Variants in PPP2R5A observed in about 807,000 individuals in gnomAD.
PPP2R5A encodes serine/threonine-protein phosphatase 2A 56 kDa regulatory subunit alpha isoform.
A neutral mutation model predicts 64.2 loss-of-function variants in PPP2R5A; 25 were observed. The ratio of observed to expected loss-of-function variants is 0.39; its 90% confidence interval spans 0.28 to 0.54. The LOEUF is 0.54. Among genes scored for constraint, PPP2R5A ranks in the 20% least tolerant of loss-of-function variants. The probability of loss-of-function intolerance (pLI) is 0.67; values close to 1 mark genes in which losing one functional copy is unlikely to be tolerated. For missense variants in PPP2R5A, 425 were observed against 576.3 expected, an observed-to-expected ratio of 0.74 and a Z score of 2.69; for synonymous variants, 198 against 201.2, an observed-to-expected ratio of 0.98 and a Z score of 0.13.
At chr1:212,333,648 C>A in intron 3 of PPP2R5A, 50 bp downstream of exon 3, 4 of 1,075,804 alleles carry the variant, frequency 3.7e-6, no homozygotes, top group Middle Eastern at 2.1e-4. Context: ...TGCTATTCTG[C>A]AGAAATCATG....
chr1:212,319,613 C>CTTTTTTTT (rs200765692), intron 1 of PPP2R5A: 2 of 110,724 alleles, frequency 1.8e-5, no homozygotes, highest in African/African-American at 7.4e-5. Flanking sequence ...TTTTTGTTTT[C>CTTTTTTTT]TTTTCTTTTT....
Position 212,286,136 on chromosome 1 carries a change from G to A in PPP2R5A, c.26G>A (p.Gly9Glu), listed in dbSNP as rs1467540062. Residue 9 changes from glycine (G) to glutamate (E), a missense_variant, in exon 1 of 13, where the codon GGG becomes GAG. Around this residue, in one of 4 missense-constraint regions of PPP2R5A, gnomAD observed 104 missense variants for 95.7 expected, o/e 1.09. Transcript: ENST00000261461. ...ATGTCGTCGTCGTCGCCGCCGGCGG[G>A]GGCTGCCAGCGCCGCCATCTCGGCC... MSSSSPPA[G>E]AASAAISASE... The A allele has an allele frequency of 6.3e-7, 1 of 1,585,074 alleles. No individual in the cohort carries two copies. The highest frequency in any genetic ancestry group is 1.1e-5 in the South Asian group (1 of 87,934).
chr1:212,351,508 G>C (rs1047182935), intron 8 of PPP2R5A, among the ~76,000 whole-genome samples: 1 of 152,178 alleles, frequency 6.6e-6, no homozygotes, highest in African/African-American at 2.4e-5. Context: ...GAGATCAGGA[G>C]TTCAAGACCA....
intron 6 of PPP2R5A, among the ~76,000 whole-genome samples, chr1:212,348,037 C>T (rs1343747106): frequency 6.6e-6 from 1 of 152,072 alleles, no homozygotes; most frequent in Non-Finnish European, 1.5e-5. Flanking sequence ...AAAAATTACC[C>T]ATTTACTTCA....
At chr1:212,328,115 G>A (rs1558148734) in intron 1 of PPP2R5A, among the ~76,000 whole-genome samples, 3 of 152,166 alleles carry the variant, frequency 2.0e-5, no homozygotes, top group Admixed American at 1.3e-4. Context: ...GTGCCTAGCC[G>A]TTGGTTCCTG....
At chr1:212,319,552 A>C (rs1659221696) in intron 1 of PPP2R5A, 1 of 151,980 alleles carries the variant, frequency 6.6e-6, no homozygotes, top group Admixed American at 6.5e-5. Flanking sequence ...TAAAGTGGCC[A>C]GTGCAGATAT....
intron 1 of PPP2R5A, among the ~76,000 whole-genome samples, chr1:212,305,829 C>G (rs1156783833): frequency 1.3e-5 from 2 of 151,982 alleles, no homozygotes; most frequent in Non-Finnish European, 2.9e-5. Flanking sequence ...TAAAGAGTAT[C>G]TTTATATAAT....
At chr1:212,302,613 A>G (rs565218375) in intron 1 of PPP2R5A, among the ~76,000 whole-genome samples, 1 of 152,352 alleles carries the variant, frequency 6.6e-6, no homozygotes, top group East Asian at 1.9e-4. Flanking sequence ...TTCATACACC[A>G]TGTAATTCCC....
At chr1:212,296,548 T>A (rs1427310969) in intron 1 of PPP2R5A, among the ~76,000 whole-genome samples, 2 of 152,196 alleles carry the variant, frequency 1.3e-5, no homozygotes, top group African/African-American at 2.4e-5. Flanking sequence ...ATAGAACATC[T>A]TCTGTGTACA....
At chr1:212,338,316 G>A (rs1278255328) in intron 3 of PPP2R5A, among the ~76,000 whole-genome samples, 1 of 152,164 alleles carries the variant, frequency 6.6e-6, no homozygotes, top group Non-Finnish European at 1.5e-5. Flanking sequence ...TATTTTTGGT[G>A]TACAGAAGTA....
intron 1 of PPP2R5A, among the ~76,000 whole-genome samples, chr1:212,295,678 G>A (rs1406744660): frequency 2.0e-5 from 3 of 152,146 alleles, no homozygotes; most frequent in Non-Finnish European, 2.9e-5. Flanking sequence ...TGGAGACAAG[G>A]CTGTCAGGGG....
intron 2 of PPP2R5A, among the ~76,000 whole-genome samples, chr1:212,331,285 T>G (rs1659500017): frequency 6.6e-6 from 1 of 151,432 alleles, no homozygotes; most frequent in Non-Finnish European, 1.5e-5. Context: ...CTAAGCCTCC[T>G]GAGTAGGTAG....
intron 1 of PPP2R5A, chr1:212,319,613 CTTTTCTTTT>C (rs1659223975): frequency 9.0e-6 from 1 of 110,724 alleles, no homozygotes; most frequent in African/African-American, 3.7e-5. Flanking sequence ...TTTTTGTTTT[CTTTTCTTTT>C]TTTTTTTTTT....
At chr1:212,302,526 C>G (rs974792533) in intron 1 of PPP2R5A, among the ~76,000 whole-genome samples, 2 of 152,134 alleles carry the variant, frequency 1.3e-5, no homozygotes, top group African/African-American at 4.8e-5. Flanking sequence ...CTTTTAGTGT[C>G]TCTCAGCAAT....
intron 5 of PPP2R5A, 130 bp from the exon 6 acceptor site, chr1:212,347,217 A>T: frequency 1.5e-6 from 1 of 664,924 alleles, no homozygotes; most frequent in Non-Finnish European, 2.6e-6. Flanking sequence ...AAAACTGCTT[A>T]TAAGACCCAA....
At chr1:212,316,868 C>T (rs1011858528) in intron 1 of PPP2R5A, among the ~76,000 whole-genome samples, 3 of 151,968 alleles carry the variant, frequency 2.0e-5, no homozygotes, top group Non-Finnish European at 4.4e-5. Flanking sequence ...GTAGGAACCT[C>T]CTCTGGCACT....
In PPP2R5A at chr1:212,316,587, CTTTTTTTTT is replaced by C. The variant is rs751228809; in HGVS notation, c.182-12530_182-12522del. ...ATGGATATTTAACCTTTGTGGGTGACTTTTTTTTTTTTTTTTTTTTTTTTTTAATCTGAA... is the reference window on the plus strand; with the variant it reads ...ATGGATATTTAACCTTTGTGGGTGACTTTTTTTTTTTTTTTTTAATCTGAA... On this transcript the variant is annotated intron_variant, in intron 1 of 12. Coordinates refer to ENST00000261461, the MANE Select transcript of PPP2R5A (RefSeq NM_006243.4). Among the ~76,000 whole-genome samples, 110 of 36,694 alleles carry C rather than the reference CTTTTTTTTT, an allele frequency of 3.0e-3. 2 individuals are homozygous for C. The highest frequency in any genetic ancestry group is 5.5e-3 in the Admixed American group (12 of 2,194). The allele number at this position is 36,694 out of a possible 152,430, so 24.1% of individuals were successfully genotyped here. A position where few individuals can be genotyped will look rare whatever the true frequency, so the allele number is the denominator to read the frequency against.
At chr1:212,348,295 C>T (rs1478626779) in intron 6 of PPP2R5A, 94 bp from the exon 7 acceptor site, 2 of 763,544 alleles carry the variant, frequency 2.6e-6, no homozygotes, top group South Asian at 1.5e-5. Context: ...AGGATTGAAG[C>T]ATAGCACTGT....
intron 1 of PPP2R5A, among the ~76,000 whole-genome samples, chr1:212,320,760 C>T (rs1340960283): frequency 1.5e-5 from 2 of 137,360 alleles, no homozygotes; most frequent in African/African-American, 5.4e-5. Flanking sequence ...TAGGGGCGGC[C>T]GGGCAGAGGC....
Sources: gnomAD v4.1 joint callset for allele counts (sites outside exome capture counted in the v4.1 genomes callset) on GRCh38, gnomAD v4.1.1 for gene constraint, gnomAD v4.1.1 regional missense constraint, MANE v1.5 for transcripts, NCBI Gene and HGNC (gene_info 2026-07-23, HGNC 2026-07-21) for gene names.